GLT1D1: variants seen among roughly 807,000 people sequenced by gnomAD.
The protein encoded by GLT1D1 is glycosyltransferase 1 domain-containing protein 1.
A neutral mutation model predicts 28.7 loss-of-function variants in GLT1D1; 21 were observed. That is an observed-to-expected ratio of 0.73 (90% confidence interval 0.52 to 1.05). The LOEUF (loss-of-function observed/expected upper bound fraction) is 1.05, where lower values mean the gene tolerates loss of function less well. GLT1D1 is among the 50% of genes least tolerant of loss of function. GLT1D1 has a pLI of 0.00. For synonymous variants in GLT1D1, 147 were observed against 124.8 expected (o/e 1.18, Z -1.19); for missense variants, 343 against 330.6 (o/e 1.04, Z -0.29).
intron 4 of GLT1D1, 93 bp from the exon 8 acceptor site, chr12:128,927,012 G>A (rs1873291527): frequency 6.7e-6 from 5 of 748,926 alleles, no homozygotes; most frequent in Admixed American, 2.5e-5. Flanking sequence ...AATAATTTAT[G>A]TTATTGAGAA....
At chr12:128,933,368 C>T (rs1593152848) in intron 4 of GLT1D1, among the ~76,000 whole-genome samples, 1 of 152,272 alleles carries the variant, frequency 6.6e-6, no homozygotes, top group African/African-American at 2.4e-5. Context: ...CAGAAACAAG[C>T]TCTATTGAAC....
intron 6 of GLT1D1, among the ~76,000 whole-genome samples, chr12:128,952,391 T>A (rs1243917447): frequency 8.4e-6 from 1 of 118,502 alleles, no homozygotes; most frequent in Non-Finnish European, 1.6e-5. Flanking sequence ...ATAGAGGTAA[T>A]CAAGTTAGAA....
intron 7 of GLT1D1, among the ~76,000 whole-genome samples, chr12:128,965,045 C>A (rs996465246): frequency 6.6e-6 from 1 of 152,230 alleles, no homozygotes; most frequent in African/African-American, 2.4e-5. Flanking sequence ...CTGAGATGGC[C>A]TGTGGCCTCT....
At chr12:128,894,963 G>A (rs912209562) in intron 3 of GLT1D1, among the ~76,000 whole-genome samples, 2 of 149,462 alleles carry the variant, frequency 1.3e-5, no homozygotes, top group East Asian at 2.0e-4. Flanking sequence ...TTGTTTATTC[G>A]GTTGCTCAAA....
intron 1 of GLT1D1, among the ~76,000 whole-genome samples, chr12:128,866,354 G>A (rs1045541857): frequency 6.6e-6 from 1 of 151,772 alleles, no homozygotes; most frequent in African/African-American, 2.4e-5. Context: ...CAGGTGTGAG[G>A]CACTGCGCCC....
chr12:128,892,109 C>A (rs138136118), intron 3 of GLT1D1, among the ~76,000 whole-genome samples: 161 of 152,248 alleles, frequency 1.1e-3, no homozygotes, highest in Middle Eastern at 3.4e-3. Context: ...TTCTGATTGG[C>A]CTTTCCCAAG....
At chr12:128,937,993 T>G (rs1874737799) in intron 4 of GLT1D1, among the ~76,000 whole-genome samples, 1 of 152,120 alleles carries the variant, frequency 6.6e-6, no homozygotes. Context: ...AATTAATAAG[T>G]AGGTAGGCTT....
At chr12:128,967,550 C>T (rs1288237004) in intron 7 of GLT1D1, among the ~76,000 whole-genome samples, 1 of 152,224 alleles carries the variant, frequency 6.6e-6, no homozygotes, top group Non-Finnish European at 1.5e-5. Context: ...CAATACTCAA[C>T]CGCGTTCACA....
At chr12:128,890,689 G>A (rs1868942180) in intron 3 of GLT1D1, among the ~76,000 whole-genome samples, 1 of 151,190 alleles carries the variant, frequency 6.6e-6, no homozygotes, top group Non-Finnish European at 1.5e-5. Flanking sequence ...GGAGGCTGAG[G>A]CAGAAGAATC....
intron 4 of GLT1D1, among the ~76,000 whole-genome samples, chr12:128,908,396 CTCTCTCTCTT>C (rs1479819633): frequency 6.3e-5 from 8 of 126,108 alleles, no homozygotes; most frequent in Admixed American, 2.3e-4. Context: ...TTCTTTCTCT[CTCTCTCTCTT>C]TCTTTCTTTC....
chr12:128,878,143 G>A (rs913528232), intron 2 of GLT1D1, among the ~76,000 whole-genome samples: 27 of 152,112 alleles, frequency 1.8e-4, no homozygotes, highest in African/African-American at 6.0e-4. Flanking sequence ...AGTGTGAGAG[G>A]GCACTACACA....
chr12:128,862,850 C>T (rs1393409787), intron 1 of GLT1D1, among the ~76,000 whole-genome samples: 1 of 152,194 alleles, frequency 6.6e-6, no homozygotes, highest in African/African-American at 2.4e-5. Context: ...AGCATTCTAG[C>T]ATGGAAGACA....
At chr12:128,957,867 A>G (rs1304827962) in intron 7 of GLT1D1, among the ~76,000 whole-genome samples, 1 of 152,184 alleles carries the variant, frequency 6.6e-6, no homozygotes, top group African/African-American at 2.4e-5. Context: ...TCTGTTGCCA[A>G]GTTGCTCTAA....
intron 4 of GLT1D1, among the ~76,000 whole-genome samples, chr12:128,913,076 CA>C (rs972689532): frequency 2.4e-4 from 37 of 152,132 alleles, no homozygotes; most frequent in African/African-American, 8.9e-4. Context: ...CAAACCAAAC[CA>C]AATGCGGAGC....
chr12:128,923,834 T>G (rs2135910780), intron 4 of GLT1D1, among the ~76,000 whole-genome samples: 1 of 152,180 alleles, frequency 6.6e-6, no homozygotes, highest in South Asian at 2.1e-4. Flanking sequence ...TCCCTCACTT[T>G]AGAGAGCAGA....
intron 6 of GLT1D1, among the ~76,000 whole-genome samples, chr12:128,951,334 C>T (rs1043697562): frequency 3.3e-5 from 5 of 152,142 alleles, no homozygotes; most frequent in South Asian, 2.1e-4. Context: ...ACCTGGTAGG[C>T]GAAGGTTGCA....
At chr12:128,940,809 A>T (rs1875132769) in intron 4 of GLT1D1, among the ~76,000 whole-genome samples, 1 of 152,212 alleles carries the variant, frequency 6.6e-6, no homozygotes, top group East Asian at 1.9e-4. Context: ...GGTGGAATTC[A>T]CATGCCACGA....
At chr12:128,963,767 G>A (rs1051084299) in intron 7 of GLT1D1, among the ~76,000 whole-genome samples, 2 of 152,192 alleles carry the variant, frequency 1.3e-5, no homozygotes, top group Non-Finnish European at 2.9e-5. Context: ...TGCCCAGCAC[G>A]GAGCCAGGTC....
At chr12:128,914,387 G>T (rs537343966) in intron 4 of GLT1D1, among the ~76,000 whole-genome samples, 1 of 152,260 alleles carries the variant, frequency 6.6e-6, no homozygotes, top group Non-Finnish European at 1.5e-5. Flanking sequence ...TCCTGGGGCT[G>T]AAAGGGGTGC....
Sources: allele counts gnomAD v4.1 joint callset (sites outside exome capture counted in the v4.1 genomes callset), GRCh38; gene constraint gnomAD v4.1.1; transcripts MANE v1.5; gene names NCBI Gene and HGNC (gene_info 2026-07-23, HGNC 2026-07-21).